The following RNF7 variants were observed in gnomAD, a reference collection of about 807,000 sequenced individuals.
RNF7 encodes the protein RING-box protein 2.
Under a neutral mutation model 17.0 loss-of-function variants are expected in RNF7, and 9 were observed. The ratio of observed to expected loss-of-function variants is 0.53; its 90% confidence interval spans 0.32 to 0.92. The LOEUF (loss-of-function observed/expected upper bound fraction) is 0.92, where lower values mean the gene tolerates loss of function less well. Among genes scored for constraint, RNF7 ranks in the 40% least tolerant of loss-of-function variants. The pLI is 0.04. For synonymous variants in RNF7, 59 were observed against 50.5 expected (o/e 1.17, Z -0.72); for missense variants, 87 against 145.8 (o/e 0.60, Z 2.08).
chr3:141,744,336 T>C (rs1008528875), intron 2 of RNF7, among the ~76,000 whole-genome samples: 6 of 152,222 alleles, frequency 3.9e-5, no homozygotes, highest in Admixed American at 1.3e-4. Context: ...TTTTTTCTTT[T>C]TTTCTGCCTT....
At chr3:141,743,038 C>A in intron 1 of RNF7, 1 of 404,250 alleles carries the variant, frequency 2.5e-6, no homozygotes, top group Non-Finnish European at 3.4e-6. Context: ...GAAAACTCTC[C>A]TTCCCATTCC....
chr3:141,740,650 G>A (rs533606353), intron 1 of RNF7, among the ~76,000 whole-genome samples: 1 of 152,246 alleles, frequency 6.6e-6, no homozygotes, highest in Admixed American at 6.5e-5. Flanking sequence ...AGACTTCCTA[G>A]TCCTTACCCT....
At chr3:141,742,478 A>G (rs1031064576) in intron 1 of RNF7, among the ~76,000 whole-genome samples, 27 of 151,996 alleles carry the variant, frequency 1.8e-4, no homozygotes, top group African/African-American at 6.3e-4. Flanking sequence ...CGCCCGCCTC[A>G]GCCTCCCAAA....
At chr3:141,743,630 T>A in intron 2 of RNF7, 74 bp downstream of exon 2, 1 of 1,072,546 alleles carries the variant, frequency 9.3e-7, no homozygotes, top group Non-Finnish European at 1.4e-6. Context: ...AATTTGAAAT[T>A]AAGATTGACT....
intron 1 of RNF7, among the ~76,000 whole-genome samples, chr3:141,743,272 T>C (rs185260448): frequency 6.6e-6 from 1 of 152,292 alleles, no homozygotes; most frequent in East Asian, 1.9e-4. Flanking sequence ...GGACATCTTT[T>C]CATCAGAGCT....
Position 141,744,453 on chromosome 3 carries a change from G to A in RNF7, c.224-706G>A, listed in dbSNP as rs571365525. Reference sequence around the variant, plus strand: ...CAAGGGACAGATGAATCCCAAATTCGAGATTGCATTCTAGATTGTGGATGA... The same window carrying A: ...CAAGGGACAGATGAATCCCAAATTCAAGATTGCATTCTAGATTGTGGATGA... On this transcript the variant is annotated intron_variant, in intron 2 of 2. Coordinates refer to ENST00000273480, the MANE Select transcript of RNF7 (RefSeq NM_014245.5). Among the ~76,000 whole-genome samples the A allele has an allele frequency of 7.9e-5, 12 of 151,712 alleles. 1 individual carries two copies. In the South Asian group the frequency reaches 1.9e-3, roughly 24 times the overall value.
intron 1 of RNF7, among the ~76,000 whole-genome samples, chr3:141,742,235 T>A (rs1354399484): frequency 1.3e-5 from 2 of 148,446 alleles, no homozygotes; most frequent in Admixed American, 1.3e-4. Context: ...TTTTTTTTTT[T>A]TTTTTTTTTG....
In RNF7 at chr3:141,738,401, A is replaced by G. The variant is rs2084379217; in HGVS notation, c.60A>G (p.Ser20=). ...TCALASHSGS[S]GSKSGGDKMF... is the part of the protein sequence containing the mutation. ...CCCTGGCCTCTCACTCCGGGAGCTC[A>G]GGCTCCAAGTCGGGAGGCGACAAGA... is the stretch of plus-strand genomic sequence containing the variant. Residue 20 remains serine, a synonymous_variant, in exon 1 of 3, where the codon TCA becomes TCG. Coordinates refer to ENST00000273480, the MANE Select transcript of RNF7 (RefSeq NM_014245.5). The G allele has an allele frequency of 6.2e-7, 1 of 1,606,248 alleles. No homozygotes were observed. The highest frequency in any genetic ancestry group is 2.3e-5 in the East Asian group (1 of 44,388).
intron 1 of RNF7, among the ~76,000 whole-genome samples, chr3:141,742,155 AG>A (rs146686532): frequency 0.16 from 24,254 of 150,668 alleles, 2,236 homozygotes; most frequent in African/African-American, 0.24. Flanking sequence ...ACCCTCCAAA[AG>A]GCCCCAGTGT....
chr3:141,745,541 G>A lies in RNF7; in HGVS notation c.*264G>A, dbSNP rs886716218. 16 of 195,194 alleles carry A rather than the reference G, an allele frequency of 8.2e-5. No individual in the cohort carries two copies. The highest frequency in any genetic ancestry group is 7.7e-4 in the Admixed American group (13 of 16,830). The allele number at this position is 195,194 out of a possible 1,614,324, so 12.1% of individuals were successfully genotyped here. On this transcript the variant is annotated 3_prime_UTR_variant, in exon 3 of 3. Transcript: ENST00000273480. ...TGTGTCGCGCACACAGCTTAGAAGT[G>A]CTATAAAAAAGGAAAGAGCTCCAAA...
chr3:141,743,414 T>C, intron 1 of RNF7, 95 bp from the exon 2 acceptor site: 1 of 875,698 alleles, frequency 1.1e-6, no homozygotes. Context: ...TTTATTGCCA[T>C]CCCTAACCCT....
At chr3:141,742,223 C>CTTTTTTT (rs1196270339) in intron 1 of RNF7, among the ~76,000 whole-genome samples, 4 of 109,444 alleles carry the variant, frequency 3.7e-5, no homozygotes, top group Non-Finnish European at 7.2e-5. Context: ...CAAGCATTTT[C>CTTTTTTT]TTTTTTTTTT....
chr3:141,743,215 G>C (rs977464824), intron 1 of RNF7, among the ~76,000 whole-genome samples: 3 of 152,112 alleles, frequency 2.0e-5, no homozygotes, highest in African/African-American at 7.2e-5. Context: ...GAATATAGTG[G>C]AGTATGGCAT....
intron 2 of RNF7, among the ~76,000 whole-genome samples, chr3:141,744,298 AC>A (rs1471745140): frequency 1.3e-4 from 19 of 151,230 alleles, no homozygotes; most frequent in Non-Finnish European, 2.1e-4. Context: ...CTTGCTTCCT[AC>A]CCCCTGTAGC....
rs925556029 is a variant in RNF7 at position 141,743,428 on chromosome 3, G to A, written c.176-81G>A. The A allele has an allele frequency of 5.1e-5, 53 of 1,045,424 alleles. No individual in the cohort carries two copies. The African/African-American group carries it at 8.4e-4, about 16-fold the overall frequency. The allele number at this position is 1,045,424 out of a possible 1,614,324, so 64.8% of individuals were successfully genotyped here. A position where few individuals can be genotyped will look rare whatever the true frequency, so the allele number is the denominator to read the frequency against. ...CTTTATTGCCATCCCTAACCCTTAG[G>A]GCTTTTGACTTTGAAGTGTCTGGTT... On this transcript the variant is annotated intron_variant, in intron 1 of 2. Transcript: ENST00000273480.
At chr3:141,742,836 A>G (rs2084434594) in intron 1 of RNF7, 1 of 1,165,718 alleles carries the variant, frequency 8.6e-7, no homozygotes, top group South Asian at 1.6e-5. Flanking sequence ...TTTTAGAGGA[A>G]CTCTCAAGTG....
intron 1 of RNF7, among the ~76,000 whole-genome samples, chr3:141,740,208 ATC>A (rs1481499632): frequency 6.8e-6 from 1 of 147,094 alleles, no homozygotes; most frequent in Non-Finnish European, 1.5e-5. Flanking sequence ...TAAACATTTT[ATC>A]TCCTAAATAA....
intron 1 of RNF7, among the ~76,000 whole-genome samples, chr3:141,740,624 A>T (rs1392661620): frequency 6.6e-6 from 1 of 152,218 alleles, no homozygotes; most frequent in Non-Finnish European, 1.5e-5. Context: ...TGACAGCAGA[A>T]GGAAATTTTT....
intron 1 of RNF7, among the ~76,000 whole-genome samples, chr3:141,740,730 A>G (rs1285477816): frequency 6.6e-6 from 1 of 152,208 alleles, no homozygotes; most frequent in Non-Finnish European, 1.5e-5. Flanking sequence ...AAGATCATTA[A>G]AGCAATTTTT....
Sources: allele counts gnomAD v4.1 joint callset (sites outside exome capture counted in the v4.1 genomes callset), GRCh38; gene constraint gnomAD v4.1.1; transcripts MANE v1.5; gene names NCBI Gene and HGNC (gene_info 2026-07-23, HGNC 2026-07-21).